SLC35F4: variants seen among roughly 807,000 people sequenced by gnomAD.
SLC35F4 encodes chromosome 14 open reading frame 36.
A neutral mutation model predicts 44.2 loss-of-function variants in SLC35F4; 24 were observed. The observed-to-expected ratio is 0.54, with a 90% CI of 0.39 to 0.76. SLC35F4 has a LOEUF of 0.76. Ranked by LOEUF, SLC35F4 falls within the 30% of genes least tolerant of loss-of-function variation. The probability of loss-of-function intolerance (pLI) is 0.00; values close to 1 mark genes in which losing one functional copy is unlikely to be tolerated. For synonymous variants in SLC35F4, 238 were observed against 223.6 expected, an observed-to-expected ratio of 1.06 and a Z score of -0.57; for missense variants, 562 against 586.1, an observed-to-expected ratio of 0.96 and a Z score of 0.42.
chr14:57,875,925 G>A (rs1290403885), intron 1 of SLC35F4, among the ~76,000 whole-genome samples: 1 of 152,214 alleles, frequency 6.6e-6, no homozygotes, highest in Non-Finnish European at 1.5e-5. Context: ...TCTGCAGAAT[G>A]TGTCTTTTGA....
intron 1 of SLC35F4, among the ~76,000 whole-genome samples, chr14:57,730,036 C>T (rs1403793275): frequency 1.3e-5 from 2 of 152,200 alleles, no homozygotes; most frequent in Non-Finnish European, 2.9e-5. Context: ...TGCCCTCCCT[C>T]CCCATAGGGC....
chr14:57,648,103 C>A (rs2140188017), intron 1 of SLC35F4, among the ~76,000 whole-genome samples: 2 of 152,238 alleles, frequency 1.3e-5, no homozygotes, highest in African/African-American at 4.8e-5. Context: ...TAACTTCTAG[C>A]ACGATTTCTT....
At chr14:57,728,129 A>G (rs1292811973) in intron 1 of SLC35F4, among the ~76,000 whole-genome samples, 1 of 152,200 alleles carries the variant, frequency 6.6e-6, no homozygotes, top group Non-Finnish European at 1.5e-5. Context: ...CTTTAACATT[A>G]TATCATGACC....
chr14:57,701,634 A>T (rs2075544330), intron 1 of SLC35F4, among the ~76,000 whole-genome samples: 1 of 152,214 alleles, frequency 6.6e-6, no homozygotes, highest in Non-Finnish European at 1.5e-5. Context: ...CTATAATTTC[A>T]CGGGACCACT....
At chr14:57,761,536 G>A (rs906539544) in intron 1 of SLC35F4, among the ~76,000 whole-genome samples, 7 of 152,074 alleles carry the variant, frequency 4.6e-5, no homozygotes, top group Non-Finnish European at 8.8e-5. Flanking sequence ...TTTCTGATAT[G>A]CACTGATTTG....
intron 1 of SLC35F4, among the ~76,000 whole-genome samples, chr14:57,906,576 C>T (rs369926629): frequency 8.3e-4 from 127 of 152,218 alleles, no homozygotes; most frequent in African/African-American, 2.5e-3. Context: ...AGAATTTCTA[C>T]GGAAAAATTC....
chr14:57,975,709 G>A (rs1041936999), downstream of SLC35F4, among the ~76,000 whole-genome samples: 1 of 152,210 alleles, frequency 6.6e-6, no homozygotes, highest in Non-Finnish European at 1.5e-5. Context: ...AATAAAGAAT[G>A]CACCGCAGAG....
At chr14:57,925,295 G>C (rs1889535024) in intron 1 of SLC35F4, among the ~76,000 whole-genome samples, 1 of 152,032 alleles carries the variant, frequency 6.6e-6, no homozygotes, top group Non-Finnish European at 1.5e-5. Flanking sequence ...ACAGACTTCA[G>C]GTTGGTTTGT....
At chr14:57,735,911 G>C (rs1451469223) in intron 1 of SLC35F4, among the ~76,000 whole-genome samples, 1 of 151,892 alleles carries the variant, frequency 6.6e-6, no homozygotes, top group Non-Finnish European at 1.5e-5. Context: ...TTTAGAGATG[G>C]GGGTCTCACT....
At chr14:57,838,923 G>A (rs1336988651) in intron 1 of SLC35F4, among the ~76,000 whole-genome samples, 1 of 152,066 alleles carries the variant, frequency 6.6e-6, no homozygotes, top group Non-Finnish European at 1.5e-5. Context: ...AATAGGTAGG[G>A]ACCATATTTG....
At chr14:57,610,446 G>A (rs2140039702) in intron 1 of SLC35F4, among the ~76,000 whole-genome samples, 1 of 152,260 alleles carries the variant, frequency 6.6e-6, no homozygotes, top group South Asian at 2.1e-4. Flanking sequence ...GAAGGCAACT[G>A]TACCATCTGG....
chr14:57,658,510 T>G (rs191698967), intron 1 of SLC35F4, among the ~76,000 whole-genome samples: 1 of 152,290 alleles, frequency 6.6e-6, no homozygotes, highest in East Asian at 1.9e-4. Context: ...ATGAAGAAGT[T>G]CCTTTAGTGA....
At chr14:57,926,646 A>C (rs1029910313) in intron 1 of SLC35F4, among the ~76,000 whole-genome samples, 7 of 150,602 alleles carry the variant, frequency 4.6e-5, no homozygotes, top group African/African-American at 1.7e-4. Flanking sequence ...TAAACCTTAC[A>C]ATTAATATGA....
At chr14:57,577,906 A>G (rs1283478984) in intron 4 of SLC35F4, among the ~76,000 whole-genome samples, 1 of 152,216 alleles carries the variant, frequency 6.6e-6, no homozygotes, top group Non-Finnish European at 1.5e-5. Flanking sequence ...TTTTTATAAC[A>G]CATCATAGAT....
At chr14:57,623,430 G>A (rs953472073) in intron 1 of SLC35F4, among the ~76,000 whole-genome samples, 2 of 152,138 alleles carry the variant, frequency 1.3e-5, no homozygotes, top group Non-Finnish European at 2.9e-5. Flanking sequence ...GGATATCCAC[G>A]ACTTGAACTC....
chr14:57,679,050 C>T (rs536777551), intron 1 of SLC35F4, among the ~76,000 whole-genome samples: 1 of 152,210 alleles, frequency 6.6e-6, no homozygotes, highest in East Asian at 1.9e-4. Flanking sequence ...ACAGAACTCT[C>T]CATCCCAAAT....
intron 1 of SLC35F4, among the ~76,000 whole-genome samples, chr14:57,883,576 TTAAC>T (rs1269130507): frequency 6.6e-6 from 1 of 152,224 alleles, no homozygotes; most frequent in Non-Finnish European, 1.5e-5. Context: ...AAACAAATCT[TTAAC>T]TATATAATCA....
intron 1 of SLC35F4, among the ~76,000 whole-genome samples, 153 bp from the exon 2 acceptor site, chr14:57,594,277 C>A (rs1462254498): frequency 6.6e-6 from 1 of 152,070 alleles, no homozygotes; most frequent in Non-Finnish European, 1.5e-5. Flanking sequence ...GCAGCCTCTG[C>A]CTCCCAGGTT....
chr14:57,933,859 C>T (rs1303031532), intron 1 of SLC35F4, among the ~76,000 whole-genome samples: 2 of 151,700 alleles, frequency 1.3e-5, no homozygotes, highest in Admixed American at 6.6e-5. Context: ...TCATTGAGTG[C>T]ACCTGGAGCA....
Sources: gnomAD v4.1 joint callset for allele counts (sites outside exome capture counted in the v4.1 genomes callset) on GRCh38, gnomAD v4.1.1 for gene constraint, MANE v1.5 for transcripts, NCBI Gene and HGNC (gene_info 2026-07-23, HGNC 2026-07-21) for gene names.